The following NCKAP5 variants were observed in gnomAD, a reference collection of about 807,000 sequenced individuals.
NCKAP5 encodes NCK associated protein 5.
Under a neutral mutation model 167.0 loss-of-function variants are expected in NCKAP5, and 92 were observed. That is an observed-to-expected ratio of 0.55 (90% CI 0.47 to 0.66). The LOEUF is 0.66. NCKAP5 is among the 30% of genes least tolerant of loss of function. The pLI, the probability that NCKAP5 is intolerant of heterozygous loss-of-function variation, is 0.00. For synonymous variants in NCKAP5, 891 were observed against 877.4 expected (o/e 1.02, Z -0.27); for missense variants, 2,378 against 2,315.0 (o/e 1.03, Z -0.56).
the NCKAP5 span, among the ~76,000 whole-genome samples, chr2:133,667,369 T>A: frequency 5.9e-5 from 9 of 152,028 alleles, no homozygotes; most frequent in Non-Finnish European, 1.3e-4. Context: ...CCATCTCTGC[T>A]GATTCAGCTT....
At chr2:133,006,343 G>C (rs2077966878) in intron 6 of NCKAP5, among the ~76,000 whole-genome samples, 1 of 152,142 alleles carries the variant, frequency 6.6e-6, no homozygotes, top group African/African-American at 2.4e-5. Flanking sequence ...TTAAAAGTTT[G>C]AATCTAATGT....
chr2:132,845,674 T>A (rs1024676990), intron 11 of NCKAP5, among the ~76,000 whole-genome samples: 1 of 152,184 alleles, frequency 6.6e-6, no homozygotes, highest in African/African-American at 2.4e-5. Flanking sequence ...GCTACAACTT[T>A]ATAGAATATT....
At chr2:133,483,498 C>T (rs1680636246) in intron 3 of NCKAP5, among the ~76,000 whole-genome samples, 1 of 151,996 alleles carries the variant, frequency 6.6e-6, no homozygotes. Context: ...AAGATTCTCC[C>T]CACCCTCCTT....
chr2:133,645,075 C>T, the NCKAP5 span, among the ~76,000 whole-genome samples: 1 of 152,264 alleles, frequency 6.6e-6, no homozygotes. Context: ...TAGGACAAGG[C>T]AGATGTCAAT....
At chr2:133,453,463 C>T (rs1003729092) in intron 3 of NCKAP5, among the ~76,000 whole-genome samples, 1 of 152,048 alleles carries the variant, frequency 6.6e-6, no homozygotes, top group African/African-American at 2.4e-5. Context: ...CAATTCCTAA[C>T]ACATTAGTAA....
chr2:132,710,135 A>G (rs1330006069), intron 19 of NCKAP5, among the ~76,000 whole-genome samples: 1 of 152,190 alleles, frequency 6.6e-6, no homozygotes, highest in Non-Finnish European at 1.5e-5. Context: ...TCATCCCAAA[A>G]GATGCATATG....
At chr2:133,390,745 A>C (rs1453810333) in intron 3 of NCKAP5, among the ~76,000 whole-genome samples, 1 of 152,066 alleles carries the variant, frequency 6.6e-6, no homozygotes, top group African/African-American at 2.4e-5. Flanking sequence ...GCCTGTGTAC[A>C]CCGTTACCTG....
intron 3 of NCKAP5, among the ~76,000 whole-genome samples, chr2:133,501,024 G>A (rs1682461084): frequency 6.6e-6 from 1 of 152,190 alleles, no homozygotes; most frequent in Non-Finnish European, 1.5e-5. Context: ...CTCATCCTGT[G>A]CTAGGCGCTT....
chr2:133,014,094 AAAC>A (rs1377553176), intron 6 of NCKAP5, among the ~76,000 whole-genome samples: 1 of 152,160 alleles, frequency 6.6e-6, no homozygotes, highest in Non-Finnish European at 1.5e-5. Context: ...CCATCTCTTC[AAAC>A]AACAATTTTT....
Position 133,413,747 on chromosome 2 carries a change from C to T in NCKAP5, c.69+103711G>A, listed in dbSNP as rs186070165. 5.3e-5 allele frequency among the ~76,000 whole-genome samples: 8 copies of T among 152,234 alleles called. 1 individual carries two copies. Among genetic ancestry groups the T allele is most frequent in the South Asian group, 2.1e-4 (1 of 4,816 alleles). Reference sequence around the variant, plus strand: ...GTGTTCCCACAATAACATGTTCTCCCGTAACAATCAGAAGAAGCAGAGAAG... The same window carrying T: ...GTGTTCCCACAATAACATGTTCTCCTGTAACAATCAGAAGAAGCAGAGAAG... On this transcript the variant is annotated intron_variant, in intron 3 of 19. Transcript: ENST00000409261.
chr2:133,017,133 T>C (rs2078366846), intron 6 of NCKAP5, among the ~76,000 whole-genome samples: 1 of 152,190 alleles, frequency 6.6e-6, no homozygotes, highest in Admixed American at 6.5e-5. Flanking sequence ...ATTAACAAAG[T>C]GCAAAGACAA....
At chr2:133,060,797 G>C (rs537151191) in intron 6 of NCKAP5, among the ~76,000 whole-genome samples, 1 of 152,256 alleles carries the variant, frequency 6.6e-6, no homozygotes, top group South Asian at 2.1e-4. Context: ...AGATTTATGA[G>C]GAGGCAGCAT....
chr2:133,069,875 A>G (rs955307489), intron 6 of NCKAP5, among the ~76,000 whole-genome samples: 14 of 151,780 alleles, frequency 9.2e-5, no homozygotes, highest in Admixed American at 2.0e-4. Flanking sequence ...TTAAAAATAT[A>G]TATATATACA....
intron 6 of NCKAP5, among the ~76,000 whole-genome samples, chr2:133,048,215 C>T (rs910800088): frequency 7.9e-5 from 12 of 152,146 alleles, no homozygotes; most frequent in Non-Finnish European, 4.4e-5. Context: ...CTGGGGGAAC[C>T]TGGCACATAA....
At chr2:133,609,887 G>A in the NCKAP5 span, among the ~76,000 whole-genome samples, 1 of 152,138 alleles carries the variant, frequency 6.6e-6, no homozygotes, top group Non-Finnish European at 1.5e-5. Context: ...TAATAAGTAA[G>A]GCAATTAGTA....
Position 132,781,923 on chromosome 2 carries a change from CT to C in NCKAP5, c.4871+16del. 1 of 1,595,670 alleles carries C rather than the reference CT, an allele frequency of 6.3e-7. No individual in the cohort carries two copies. The highest frequency in any genetic ancestry group is 1.1e-5 in the South Asian group (1 of 88,008). ...AGGGACCCCTCTACATTGCTACCTG[CT>C]TTTCCAGTGAGTTACCTGTTCAAGA... On this transcript the variant is annotated intron_variant, in intron 14 of 19. Coordinates refer to ENST00000409261, the MANE Select transcript of NCKAP5 (RefSeq NM_207363.3).
chr2:133,496,808 C>A (rs952544297), intron 3 of NCKAP5, among the ~76,000 whole-genome samples: 47 of 152,062 alleles, frequency 3.1e-4, no homozygotes, highest in African/African-American at 1.1e-3. Context: ...CTATGAGAGC[C>A]ACTGAGGCTC....
At chr2:133,518,605 C>T (rs1006174271) in intron 2 of NCKAP5, among the ~76,000 whole-genome samples, 10 of 151,982 alleles carry the variant, frequency 6.6e-5, no homozygotes, top group African/African-American at 1.4e-4. Context: ...CTGCCTGCCT[C>T]GGCCTCCCAA....
chr2:133,024,182 A>T (rs1025610477), intron 6 of NCKAP5, among the ~76,000 whole-genome samples: 2 of 152,218 alleles, frequency 1.3e-5, no homozygotes, highest in African/African-American at 4.8e-5. Context: ...GCTCTTCCAA[A>T]GAAAATTCAA....
Sources: gnomAD v4.1 joint callset for allele counts (sites outside exome capture counted in the v4.1 genomes callset) on GRCh38, gnomAD v4.1.1 for gene constraint, MANE v1.5 for transcripts, NCBI Gene and HGNC (gene_info 2026-07-23, HGNC 2026-07-21) for gene names.